CNTNAP2: variants seen among roughly 807,000 people sequenced by gnomAD.
CNTNAP2 encodes the protein contactin associated protein 2, also known as contactin-associated protein-like 2.
In CNTNAP2, 98 loss-of-function variants were observed where a neutral mutation model predicts 155.2. The observed-to-expected ratio is 0.63, with a 90% CI of 0.54 to 0.75. The LOEUF (loss-of-function observed/expected upper bound fraction) is 0.75, where lower values mean the gene tolerates loss of function less well. Among genes scored for constraint, CNTNAP2 ranks in the 30% least tolerant of loss-of-function variants. The pLI is 0.00. For synonymous variants in CNTNAP2, 651 were observed against 631.2 expected, an observed-to-expected ratio of 1.03 and a Z score of -0.47; for missense variants, 1,727 against 1,688.1, an observed-to-expected ratio of 1.02 and a Z score of -0.40.
chr7:148,335,832 A>G lies in CNTNAP2; in HGVS notation c.3476-47817A>G, dbSNP rs545506103. 2.7e-5 allele frequency among the ~76,000 whole-genome samples: 4 copies of G among 150,234 alleles called. No homozygotes were observed. In the South Asian group the frequency reaches 8.5e-4, roughly 32 times the overall value. Reference sequence around the variant, plus strand: ...TAGCCTTTTTGATATATTCAACTATAGTATTCTCCAGGTTTAAATATTGTA... The same window carrying G: ...TAGCCTTTTTGATATATTCAACTATGGTATTCTCCAGGTTTAAATATTGTA... On this transcript the variant is annotated intron_variant, in intron 21 of 23. Coordinates refer to ENST00000361727, the MANE Select transcript of CNTNAP2 (RefSeq NM_014141.6).
intron 20 of CNTNAP2, among the ~76,000 whole-genome samples, chr7:148,265,147 G>T (rs771557085): frequency 6.6e-6 from 1 of 152,224 alleles, no homozygotes; most frequent in Non-Finnish European, 1.5e-5. Context: ...TTACCCATGG[G>T]TGTCATTAGA....
intron 9 of CNTNAP2, among the ~76,000 whole-genome samples, chr7:147,346,122 T>A (rs528092592): frequency 1.1e-3 from 159 of 148,694 alleles, no homozygotes; most frequent in African/African-American, 3.8e-3. Flanking sequence ...TGTCCCATAA[T>A]CGAAGATTTT....
intron 1 of CNTNAP2, among the ~76,000 whole-genome samples, chr7:146,517,608 C>A (rs1167774445): frequency 6.6e-6 from 1 of 151,860 alleles, no homozygotes; most frequent in Admixed American, 6.6e-5. Flanking sequence ...CTGAAAGTAA[C>A]TGGAAGCCAT....
At chr7:146,984,095 C>T (rs1349143434) in intron 3 of CNTNAP2, among the ~76,000 whole-genome samples, 1 of 152,162 alleles carries the variant, frequency 6.6e-6, no homozygotes, top group East Asian at 1.9e-4. Flanking sequence ...TGGCCAGGCG[C>T]GGTGGCTCAT....
chr7:147,959,288 G>T (rs1321839695), intron 14 of CNTNAP2, among the ~76,000 whole-genome samples: 1 of 151,854 alleles, frequency 6.6e-6, no homozygotes, highest in Non-Finnish European at 1.5e-5. Flanking sequence ...CCTTATTCCA[G>T]CTCCTGCTTG....
Position 147,118,114 on chromosome 7 carries a change from C to T in CNTNAP2, c.755-2865C>T, listed in dbSNP as rs1178952806. Reference sequence around the variant, plus strand: ...ATAAAAGAAAAAAATATTATATAAACACCCAATGCTTAATTTTTATCAAGT... The same window carrying T: ...ATAAAAGAAAAAAATATTATATAAATACCCAATGCTTAATTTTTATCAAGT... On this transcript the variant is annotated intron_variant, in intron 5 of 23. Transcript: ENST00000361727. Among the ~76,000 whole-genome samples the T allele has an allele frequency of 3.9e-5, 6 of 152,034 alleles. No homozygotes were observed. The East Asian group carries it at 1.2e-3, about 29-fold the overall frequency.
chr7:147,967,406 T>C (rs947034544), intron 14 of CNTNAP2, among the ~76,000 whole-genome samples: 15 of 152,230 alleles, frequency 9.9e-5, no homozygotes, highest in Admixed American at 9.8e-4. Flanking sequence ...TATTAACTGG[T>C]TGAATACCTT....
At chr7:147,249,095 A>G (rs1804129339) in intron 8 of CNTNAP2, among the ~76,000 whole-genome samples, 1 of 152,204 alleles carries the variant, frequency 6.6e-6, no homozygotes, top group Non-Finnish European at 1.5e-5. Context: ...AATACAAAGC[A>G]AGTTTCATCA....
intron 15 of CNTNAP2, among the ~76,000 whole-genome samples, chr7:148,019,236 A>G (rs1425598944): frequency 6.6e-6 from 1 of 152,108 alleles, no homozygotes; most frequent in Non-Finnish European, 1.5e-5. Flanking sequence ...CCTGGTCTTC[A>G]TCTTCTAGGT....
At chr7:147,174,945 C>G (rs1408006210) in intron 8 of CNTNAP2, among the ~76,000 whole-genome samples, 3 of 152,114 alleles carry the variant, frequency 2.0e-5, no homozygotes, top group South Asian at 2.1e-4. Flanking sequence ...CCCTGAAATT[C>G]AAGTTGAAAT....
chr7:147,134,043 A>C lies in CNTNAP2; in HGVS notation c.1348+1534A>C, dbSNP rs554125406. ...TGTTTGCCACAGTTGAAAAACTCCC[A>C]CATTATATTGTTATGATTAATGATT... is the stretch of plus-strand genomic sequence containing the variant. On this transcript the variant is annotated intron_variant, in intron 8 of 23. Coordinates refer to ENST00000361727, the MANE Select transcript of CNTNAP2 (RefSeq NM_014141.6). 3.9e-5 allele frequency among the ~76,000 whole-genome samples: 6 copies of C among 152,138 alleles called. No individual in the cohort carries two copies. The East Asian group carries it at 1.2e-3, about 29-fold the overall frequency.
At chr7:146,579,344 C>G (rs777842194) in intron 1 of CNTNAP2, among the ~76,000 whole-genome samples, 12 of 151,988 alleles carry the variant, frequency 7.9e-5, no homozygotes, top group Non-Finnish European at 1.8e-4. Flanking sequence ...AATAAGCAAA[C>G]AGCCATTAGA....
At chr7:148,388,404 T>G (rs964738982) in intron 22 of CNTNAP2, among the ~76,000 whole-genome samples, 2 of 151,440 alleles carry the variant, frequency 1.3e-5, no homozygotes, top group African/African-American at 4.9e-5. Context: ...GTTTGGTTTT[T>G]TGTCCTTGCG....
chr7:147,001,237 T>A (rs1233035479), intron 3 of CNTNAP2, among the ~76,000 whole-genome samples: 1 of 152,058 alleles, frequency 6.6e-6, no homozygotes, highest in Non-Finnish European at 1.5e-5. Flanking sequence ...TTGTGAGATA[T>A]TTTTACCTAT....
intron 9 of CNTNAP2, among the ~76,000 whole-genome samples, chr7:147,314,929 C>G (rs577279403): frequency 6.6e-6 from 1 of 151,012 alleles, no homozygotes; most frequent in African/African-American, 2.4e-5. Context: ...ATGAAGCAGA[C>G]GGGTAATAAC....
chr7:148,255,710 G>C (rs1346571585), intron 20 of CNTNAP2, among the ~76,000 whole-genome samples: 1 of 152,132 alleles, frequency 6.6e-6, no homozygotes, highest in Admixed American at 6.5e-5. Context: ...AATGACAATA[G>C]CAGTAAGTAC....
chr7:146,982,982 G>T (rs1458385592), intron 3 of CNTNAP2, among the ~76,000 whole-genome samples: 1 of 152,178 alleles, frequency 6.6e-6, no homozygotes, highest in Non-Finnish European at 1.5e-5. Context: ...AAAATATGCT[G>T]CCAATGGCTT....
At chr7:146,951,617 T>A (rs572464842) in intron 3 of CNTNAP2, among the ~76,000 whole-genome samples, 1 of 152,278 alleles carries the variant, frequency 6.6e-6, no homozygotes, top group Non-Finnish European at 1.5e-5. Flanking sequence ...ATGTGTGACA[T>A]TATTTCTGAG....
chr7:147,123,015 T>A (rs1310080020), intron 6 of CNTNAP2: 3 of 152,160 alleles, frequency 2.0e-5, no homozygotes, highest in African/African-American at 7.2e-5. Context: ...ACGATATATA[T>A]TCTTAAATAA....
Sources: allele counts gnomAD v4.1 joint callset (sites outside exome capture counted in the v4.1 genomes callset), GRCh38; gene constraint gnomAD v4.1.1; transcripts MANE v1.5; gene names NCBI Gene and HGNC (gene_info 2026-07-23, HGNC 2026-07-21).